UBE3D: variants seen among roughly 807,000 people sequenced by gnomAD.
UBE3D encodes ubiquitin protein ligase E3D, also known as E3 ubiquitin-protein ligase E3D.
In UBE3D, 48 loss-of-function variants were observed where a neutral mutation model predicts 49.6. The ratio of observed to expected loss-of-function variants is 0.97; its 90% CI spans 0.77 to 1.23. The LOEUF (loss-of-function observed/expected upper bound fraction) is 1.23. Ranked by LOEUF, UBE3D falls within the 50% of genes most tolerant of loss-of-function variation. The probability of loss-of-function intolerance (pLI) is 0.00; values close to 1 mark genes in which losing one functional copy is unlikely to be tolerated. For missense variants in UBE3D, 452 were observed against 468.4 expected (o/e 0.96, Z 0.32); for synonymous variants, 189 against 174.2 (o/e 1.08, Z -0.67).
chr6:82,990,056 G>A (rs1247310991), intron 8 of UBE3D, among the ~76,000 whole-genome samples: 1 of 152,152 alleles, frequency 6.6e-6, no homozygotes, highest in African/African-American at 2.4e-5. Context: ...TATGTCCAAG[G>A]ATTCCAGGTT....
intron 8 of UBE3D, among the ~76,000 whole-genome samples, chr6:82,973,334 A>G (rs911034873): frequency 6.6e-6 from 1 of 152,192 alleles, no homozygotes; most frequent in African/African-American, 2.4e-5. Context: ...TCATTAACTG[A>G]CTTGCAGAGA....
chr6:83,009,984 T>G (rs900880712), intron 8 of UBE3D, among the ~76,000 whole-genome samples: 3 of 151,688 alleles, frequency 2.0e-5, no homozygotes, highest in African/African-American at 7.3e-5. Context: ...GGAGGAGGGC[T>G]TCAGCTTAAT....
intron 9 of UBE3D, among the ~76,000 whole-genome samples, chr6:82,903,767 A>T (rs1010396212): frequency 1.3e-5 from 2 of 152,110 alleles, no homozygotes; most frequent in Non-Finnish European, 2.9e-5. Context: ...TAAAGAGGGG[A>T]TCGCAAAACA....
intron 5 of UBE3D, chr6:83,037,016 G>A (rs1314743572): frequency 6.6e-6 from 1 of 152,180 alleles, no homozygotes; most frequent in Non-Finnish European, 1.5e-5. Context: ...AAAAAAAAGG[G>A]TGTGGGGGAG....
chr6:83,034,504 C>A (rs1478909412), intron 5 of UBE3D, among the ~76,000 whole-genome samples: 2 of 152,118 alleles, frequency 1.3e-5, no homozygotes, highest in African/African-American at 2.4e-5. Context: ...ACCCAAATCT[C>A]ATGTCAAGTT....
chr6:82,960,356 T>C (rs902059649), intron 8 of UBE3D, among the ~76,000 whole-genome samples: 2 of 152,080 alleles, frequency 1.3e-5, no homozygotes, highest in African/African-American at 4.8e-5. Flanking sequence ...TTAATGCTAG[T>C]GCAGTGGCTC....
chr6:82,895,331 A>G (rs953145631), intron 9 of UBE3D, among the ~76,000 whole-genome samples: 31 of 152,220 alleles, frequency 2.0e-4, no homozygotes, highest in African/African-American at 7.5e-4. Flanking sequence ...AAAAAAGAAA[A>G]TGGTTAAGAA....
chr6:83,023,307 T>C (rs963775252), intron 6 of UBE3D, among the ~76,000 whole-genome samples: 3 of 152,196 alleles, frequency 2.0e-5, no homozygotes, highest in Non-Finnish European at 4.4e-5. Flanking sequence ...GAAATAAGCA[T>C]AGAAAACTTT....
intron 9 of UBE3D, among the ~76,000 whole-genome samples, chr6:82,895,764 A>G (rs1306645152): frequency 6.6e-6 from 1 of 152,232 alleles, no homozygotes; most frequent in Non-Finnish European, 1.5e-5. Flanking sequence ...GGGCTTAGAA[A>G]GAAATTGATT....
intron 8 of UBE3D, among the ~76,000 whole-genome samples, chr6:82,966,403 C>A (rs1437159988): frequency 1.4e-5 from 1 of 72,082 alleles, no homozygotes; most frequent in Non-Finnish European, 2.9e-5. Context: ...GTAATCCCAG[C>A]ACTTTGGGAG....
At chr6:82,996,972 T>G (rs904001340) in intron 8 of UBE3D, among the ~76,000 whole-genome samples, 1 of 152,190 alleles carries the variant, frequency 6.6e-6, no homozygotes, top group Non-Finnish European at 1.5e-5. Flanking sequence ...AATGTTGGTT[T>G]CTTAGTTTTG....
intron 1 of UBE3D, among the ~76,000 whole-genome samples, chr6:83,062,546 T>C (rs1025965035): frequency 1.3e-5 from 2 of 152,070 alleles, no homozygotes; most frequent in Non-Finnish European, 2.9e-5. Context: ...ATCCAAACCA[T>C]AGCAGTTAGG....
chr6:83,029,727 G>T (rs1781733392), intron 5 of UBE3D, among the ~76,000 whole-genome samples: 1 of 152,176 alleles, frequency 6.6e-6, no homozygotes, highest in African/African-American at 2.4e-5. Context: ...GAAGGTTGTT[G>T]GTTATTGGTT....
At chr6:83,008,166 T>G (rs1780108264) in intron 8 of UBE3D, among the ~76,000 whole-genome samples, 2 of 152,228 alleles carry the variant, frequency 1.3e-5, no homozygotes, top group Non-Finnish European at 2.9e-5. Flanking sequence ...TACTGTAGGA[T>G]GCTTAAGAGC....
intron 8 of UBE3D, among the ~76,000 whole-genome samples, chr6:83,012,397 C>T (rs149722174): frequency 5.9e-5 from 9 of 152,292 alleles, no homozygotes; most frequent in East Asian, 5.8e-4. Flanking sequence ...GCAAATTGCG[C>T]GTTCAGCAGT....
chr6:82,900,904 A>G (rs2127717099), intron 9 of UBE3D, among the ~76,000 whole-genome samples: 1 of 152,334 alleles, frequency 6.6e-6, no homozygotes, highest in Non-Finnish European at 1.5e-5. Context: ...ATTGGTTGAT[A>G]TTCAACAAGT....
chr6:82,972,662 C>T (rs1038462056), intron 8 of UBE3D, among the ~76,000 whole-genome samples: 1 of 152,140 alleles, frequency 6.6e-6, no homozygotes, highest in Admixed American at 6.5e-5. Flanking sequence ...CATAATTCTA[C>T]AAATTTAAAT....
intron 8 of UBE3D, among the ~76,000 whole-genome samples, chr6:82,987,478 C>T (rs1389111433): frequency 2.0e-5 from 3 of 152,116 alleles, no homozygotes; most frequent in Non-Finnish European, 2.9e-5. Flanking sequence ...CTACTATCTC[C>T]AACACAATGT....
intron 9 of UBE3D, among the ~76,000 whole-genome samples, chr6:82,921,895 A>G (rs1043214467): frequency 2.0e-5 from 3 of 152,230 alleles, no homozygotes; most frequent in Non-Finnish European, 4.4e-5. Flanking sequence ...TAGGAAGAAT[A>G]TATAATATGT....
Sources: allele counts gnomAD v4.1 joint callset (sites outside exome capture counted in the v4.1 genomes callset), GRCh38; gene constraint gnomAD v4.1.1; transcripts MANE v1.5; gene names NCBI Gene and HGNC (gene_info 2026-07-23, HGNC 2026-07-21).